The following ART3 variants were observed in gnomAD, a reference collection of about 807,000 sequenced individuals.
The protein encoded by ART3 is ADP-ribosyltransferase 3 (inactive).
Under a neutral mutation model 48.5 loss-of-function variants are expected in ART3, and 49 were observed. That is an observed-to-expected ratio of 1.01 (90% CI 0.80 to 1.28). ART3 has a LOEUF of 1.28. Ranked by LOEUF, ART3 falls within the 50% of genes most tolerant of loss-of-function variation. The pLI is 0.00. For synonymous variants in ART3, 145 were observed against 157.2 expected (o/e 0.92, Z 0.58); for missense variants, 438 against 454.3 (o/e 0.96, Z 0.33).
Position 76,112,768 on chromosome 4 carries a change from A to G in ART3, c.*249A>G, listed in dbSNP as rs1729720491. ...AACTGTATACTTCTGATTAAATTCA[A>G]TAAAAGATTTTGATTAGATATTTCA... On this transcript the variant is annotated 3_prime_UTR_variant, in exon 12 of 12. Coordinates refer to ENST00000355810, the MANE Select transcript of ART3 (RefSeq NM_001130016.3). 1 of 339,722 alleles carries G rather than the reference A, an allele frequency of 2.9e-6. No individual in the cohort carries two copies. Among genetic ancestry groups the G allele is most frequent in the Non-Finnish European group, 5.2e-6 (1 of 190,620 alleles). 21.0% of individuals were successfully genotyped at this position (339,722 alleles called of 1,614,324 possible).
chr4:76,022,295 G>T, intron 1 of ART3: 1 of 1,239,042 alleles, frequency 8.1e-7, no homozygotes, highest in East Asian at 2.3e-5. Context: ...AAACCACAAT[G>T]CAAGTATTTC....
chr4:76,070,000 T>A (rs1192390862), upstream of ART3, among the ~76,000 whole-genome samples: 1 of 152,122 alleles, frequency 6.6e-6, no homozygotes, highest in African/African-American at 2.4e-5. Flanking sequence ...ACCCTATGTT[T>A]AACATTTTGA....
In ART3 at chr4:76,104,688, A is replaced by G. The variant is rs1728087481; in HGVS notation, c.1003+59A>G. On this transcript the variant is annotated intron_variant, in intron 10 of 11. Transcript: ENST00000355810. ...TGCCAGTTTGGGGAGTACAGTCACC[A>G]TTAGATATGCATGGGACTTTCTATG... 5 of 1,538,502 alleles carry G rather than the reference A, an allele frequency of 3.2e-6. No individual in the cohort carries two copies. In the African/African-American group the frequency reaches 6.9e-5, roughly 21 times the overall value.
intron 3 of ART3, among the ~76,000 whole-genome samples, chr4:76,094,580 CTT>C (rs1338448284): frequency 6.6e-6 from 1 of 152,224 alleles, no homozygotes; most frequent in Non-Finnish European, 1.5e-5. Flanking sequence ...ACCAGAGACA[CTT>C]TAATCCAGGG....
At chr4:76,021,832 T>C (rs1268067312) in intron 1 of ART3, 43 of 1,180,386 alleles carry the variant, frequency 3.6e-5, no homozygotes, top group Non-Finnish European at 5.4e-5. Flanking sequence ...AGAACAATTA[T>C]GGCTTGACAT....
intron 10 of ART3, among the ~76,000 whole-genome samples, chr4:76,104,889 T>C (rs1279883211): frequency 6.6e-6 from 1 of 152,174 alleles, no homozygotes; most frequent in Non-Finnish European, 1.5e-5. Flanking sequence ...GGTTTTGTTA[T>C]TATGGAAATG....
intron 1 of ART3, among the ~76,000 whole-genome samples, chr4:76,050,629 G>T (rs1578327606): frequency 6.6e-6 from 1 of 152,218 alleles, no homozygotes; most frequent in Admixed American, 6.5e-5. Flanking sequence ...AGGTGGAGCT[G>T]CCTGCCAGTC....
At chr4:76,088,440 T>G (rs375913241) in intron 3 of ART3, among the ~76,000 whole-genome samples, 171 of 152,058 alleles carry the variant, frequency 1.1e-3, no homozygotes, top group African/African-American at 3.7e-3. Flanking sequence ...GCTAGTAGTA[T>G]TATTTTGTAG....
chr4:76,104,030 A>G (rs1483086829), intron 9 of ART3, 61 bp downstream of exon 9: 4 of 1,492,646 alleles, frequency 2.7e-6, no homozygotes, highest in Admixed American at 3.4e-5. Context: ...ATTCCCAGGC[A>G]TTTAAGAGAA....
intron 3 of ART3, among the ~76,000 whole-genome samples, chr4:76,084,661 T>G (rs4859612): frequency 0.086 from 13,156 of 152,242 alleles, 641 homozygotes; most frequent in South Asian, 0.16. Context: ...TCTCCTGTCT[T>G]CTGTGAAAAT....
rs772986373 is a variant in ART3, at chr4:76,082,140, A to T, written c.386A>T (p.Tyr129Phe). Residue 129 changes from tyrosine to phenylalanine, a missense_variant, in exon 3 of 12, where the codon TAT (tyrosine) becomes TTT (phenylalanine). Transcript: ENST00000355810. ...ATGGCTGGCCAATCTCGAGAAGATT[A>T]TATCTATGGCTTCCAGTTCAAAGCT... ...VKMAGQSRED[Y>F]IYGFQFKAFH... The T allele has an allele frequency of 6.2e-7, 1 of 1,614,220 alleles. No homozygotes were observed.
intron 3 of ART3, among the ~76,000 whole-genome samples, chr4:76,085,681 G>A (rs1336860588): frequency 6.6e-6 from 1 of 152,202 alleles, no homozygotes; most frequent in East Asian, 1.9e-4. Context: ...AGGGTTTGGA[G>A]AAGAGGGAAC....
intron 1 of ART3, among the ~76,000 whole-genome samples, chr4:76,042,651 G>A (rs1443903886): frequency 2.6e-5 from 4 of 151,984 alleles, no homozygotes; most frequent in South Asian, 2.1e-4. Context: ...TCTGATGTTC[G>A]GATGTGTTCG....
chr4:76,068,732 C>G (rs1719992499), intron 1 of ART3, among the ~76,000 whole-genome samples: 1 of 152,158 alleles, frequency 6.6e-6, no homozygotes, highest in Non-Finnish European at 1.5e-5. Flanking sequence ...CAACAAACCC[C>G]TCTGACACGA....
chr4:76,075,079 C>T (rs985422301), intron 1 of ART3, among the ~76,000 whole-genome samples: 2 of 152,166 alleles, frequency 1.3e-5, no homozygotes, highest in Non-Finnish European at 2.9e-5. Flanking sequence ...GGGAAGACTT[C>T]TCCCTTCCCC....
At chr4:76,060,578 A>G (rs948983492) in intron 1 of ART3, among the ~76,000 whole-genome samples, 1 of 151,342 alleles carries the variant, frequency 6.6e-6, no homozygotes, top group Non-Finnish European at 1.5e-5. Context: ...GAATCTGTGA[A>G]TATGTTATAT....
intron 2 of ART3, among the ~76,000 whole-genome samples, chr4:76,079,935 G>C (rs73825881): frequency 0.019 from 2,581 of 135,734 alleles, 68 homozygotes; most frequent in African/African-American, 0.068. Flanking sequence ...CACACACAGA[G>C]AGAGAGAGAG....
chr4:76,112,653 T>G lies in ART3; in HGVS notation c.*134T>G, dbSNP rs1019086779. On this transcript the variant is annotated 3_prime_UTR_variant, in exon 12 of 12. Coordinates refer to ENST00000355810, the MANE Select transcript of ART3 (RefSeq NM_001130016.3). ...TAAAATGAGAATTGTATATTTGTTA[T>G]TCATTTTGCAAATTCAGAAAGTTGG... 2 of 1,091,642 alleles carry G rather than the reference T, an allele frequency of 1.8e-6. No individual in the cohort carries two copies. Among genetic ancestry groups the G allele is most frequent in the Non-Finnish European group, 2.5e-6 (2 of 810,754 alleles). The allele number at this position is 1,091,642 out of a possible 1,614,324, so 67.6% of individuals were successfully genotyped here.
chr4:76,082,242 GA>G lies in ART3; in HGVS notation c.490del (p.Thr164GlnfsTer12), dbSNP rs774361065. On this transcript the variant is annotated frameshift_variant, in exon 3 of 12. Coordinates refer to ENST00000355810, the MANE Select transcript of ART3 (RefSeq NM_001130016.3). LOFTEE classifies it high-confidence loss of function. The part of the protein sequence containing the change: ...CEASSKTVVY[R>X]TSQGTSFTFG... ...GCCAGTTCCAAAACTGTGGTATATA[GA>G]ACAAGCCAGGGCACTTCATTTACAT... 1.1e-5 allele frequency: 18 copies of G among 1,614,050 alleles called. No individual in the cohort carries two copies. Among genetic ancestry groups the G allele is most frequent in the Non-Finnish European group, 1.4e-5 (16 of 1,180,038 alleles).
Sources: gnomAD v4.1 joint callset for allele counts (sites outside exome capture counted in the v4.1 genomes callset) on GRCh38, gnomAD v4.1.1 for gene constraint, MANE v1.5 for transcripts, NCBI Gene and HGNC (gene_info 2026-07-23, HGNC 2026-07-21) for gene names.